Variants in QRICH1 observed in about 807,000 individuals in gnomAD.
The protein encoded by QRICH1 is glutamine rich 1.
Under a neutral mutation model 87.1 loss-of-function variants are expected in QRICH1, and 16 were observed. The ratio of observed to expected loss-of-function variants is 0.18; its 90% CI spans 0.12 to 0.28. QRICH1 has a LOEUF of 0.28. Among genes scored for constraint, QRICH1 ranks in the 10% least tolerant of loss-of-function variants. The probability of loss-of-function intolerance (pLI) is 1.00; values close to 1 mark genes in which losing one functional copy is unlikely to be tolerated. For missense variants in QRICH1, 647 were observed against 951.7 expected, an observed-to-expected ratio of 0.68 and a Z score of 4.21; for synonymous variants, 367 against 368.4, an observed-to-expected ratio of 1.00 and a Z score of 0.05.
chr3:49,057,588 A>G lies in QRICH1; in HGVS notation c.612T>C (p.Ser204=), dbSNP rs1199634027. 1.2e-6 allele frequency: 2 copies of G among 1,613,794 alleles called. No individual in the cohort carries two copies. The highest frequency in any genetic ancestry group is 1.7e-6 in the Non-Finnish European group (2 of 1,179,778). The part of the protein sequence containing the change: ...QIQAQLVAGQ[S]LAGGQQIQIQ... ...TTTGGATCTGCTGACCACCAGCAAG[A>G]GACTGGCCAGCCACCAGCTGAGCCT... is the stretch of plus-strand genomic sequence containing the variant. Residue 204 remains serine (S), a synonymous_variant, in exon 3 of 10, where the codon TCT becomes TCC. Coordinates refer to ENST00000395443, the MANE Select transcript of QRICH1 (RefSeq NM_198880.3). This position sits in a 1 kb window ranked among gnomAD's most constrained non-coding sequence, Gnocchi z 5.4.
At chr3:49,064,899 C>G (rs2093458432) in intron 2 of QRICH1, among the ~76,000 whole-genome samples, 4 of 151,870 alleles carry the variant, frequency 2.6e-5, no homozygotes, top group Admixed American at 2.0e-4. Context: ...TGCCTGTAAT[C>G]CCAGCTAATC....
At chr3:49,060,195 T>C (rs1208105900) in intron 2 of QRICH1, among the ~76,000 whole-genome samples, 1 of 149,326 alleles carries the variant, frequency 6.7e-6, no homozygotes, top group Non-Finnish European at 1.5e-5. Flanking sequence ...AATTTATATA[T>C]ACATATATAT....
chr3:49,051,075 A>C (rs1269165428), intron 3 of QRICH1, among the ~76,000 whole-genome samples: 1 of 152,116 alleles, frequency 6.6e-6, no homozygotes, highest in Non-Finnish European at 1.5e-5. Context: ...CTGAGGACTC[A>C]TTCTCTGATT....
chr3:49,091,182 C>T (rs2042268937), intron 1 of QRICH1, among the ~76,000 whole-genome samples: 1 of 152,066 alleles, frequency 6.6e-6, no homozygotes, highest in Admixed American at 6.5e-5. Flanking sequence ...AAGATTGCAC[C>T]ACAGCACTCC....
At chr3:49,085,650 C>G (rs899650573) in intron 1 of QRICH1, among the ~76,000 whole-genome samples, 1 of 151,300 alleles carries the variant, frequency 6.6e-6, no homozygotes. Context: ...CCCAGCTACT[C>G]GGAAGGCTGA....
At chr3:49,063,951 G>A (rs1425269961) in intron 2 of QRICH1, among the ~76,000 whole-genome samples, 1 of 152,004 alleles carries the variant, frequency 6.6e-6, no homozygotes, top group African/African-American at 2.4e-5. Flanking sequence ...CTGTTGCCCT[G>A]GCTGGAGTGC....
intron 6 of QRICH1, among the ~76,000 whole-genome samples, chr3:49,042,343 C>A (rs1428258572): frequency 6.6e-6 from 1 of 152,132 alleles, no homozygotes; most frequent in Non-Finnish European, 1.5e-5. Flanking sequence ...TTGTGATCCA[C>A]ATGCCTCGGC....
intron 2 of QRICH1, among the ~76,000 whole-genome samples, chr3:49,068,231 C>A (rs988751371): frequency 3.3e-5 from 5 of 151,702 alleles, no homozygotes; most frequent in Non-Finnish European, 5.9e-5. Context: ...GTGGTGCATG[C>A]CTGTAGTCCC....
chr3:49,062,700 G>C (rs547906331), intron 2 of QRICH1, among the ~76,000 whole-genome samples: 7 of 149,716 alleles, frequency 4.7e-5, no homozygotes, highest in Non-Finnish European at 5.9e-5. Context: ...CAATAAAGCT[G>C]TTACTAAGTA....
intron 2 of QRICH1, among the ~76,000 whole-genome samples, chr3:49,059,858 C>T (rs997806507): frequency 9.2e-5 from 14 of 151,860 alleles, no homozygotes; most frequent in Non-Finnish European, 1.9e-4. Context: ...GCTGGGATTA[C>T]ATGTGCCTGC....
At chr3:49,034,441 CAA>C (rs761722925) in intron 6 of QRICH1, among the ~76,000 whole-genome samples, 40 of 109,356 alleles carry the variant, frequency 3.7e-4, no homozygotes, top group South Asian at 5.8e-4. Flanking sequence ...GATCCTGTCT[CAA>C]AAAAAAAAAA....
Position 49,047,360 on chromosome 3 carries a change from C to A in QRICH1, c.1339-114G>T, listed in dbSNP as rs367669805. ...ATTTATTTAAGAAAATATTTCTCTACTCATTGCTGTCCTACTTTTAAGAAG... is the reference window on the plus strand; with the variant it reads ...ATTTATTTAAGAAAATATTTCTCTAATCATTGCTGTCCTACTTTTAAGAAG... On this transcript the variant is annotated intron_variant, in intron 3 of 9. Transcript: ENST00000395443. 18 of 1,023,804 alleles carry A rather than the reference C, an allele frequency of 1.8e-5. No individual in the cohort carries two copies. The African/African-American group carries it at 2.8e-4, about 16-fold the overall frequency. 63.4% of individuals were successfully genotyped at this position (1,023,804 alleles called of 1,614,324 possible).
intron 1 of QRICH1, chr3:49,083,512 C>T (rs1247186453): frequency 2.0e-5 from 3 of 151,968 alleles, no homozygotes; most frequent in Non-Finnish European, 4.4e-5. Context: ...AACCTGGGCA[C>T]CACAGTGAGA....
At chr3:49,040,257 A>G (rs2093302337) in intron 6 of QRICH1, among the ~76,000 whole-genome samples, 1 of 152,228 alleles carries the variant, frequency 6.6e-6, no homozygotes, top group Non-Finnish European at 1.5e-5. Context: ...TGTTCCAACA[A>G]TAGCCCTCCC....
chr3:49,073,197 T>G (rs981409330), intron 2 of QRICH1, among the ~76,000 whole-genome samples: 1 of 152,044 alleles, frequency 6.6e-6, no homozygotes, highest in Non-Finnish European at 1.5e-5. Flanking sequence ...TAATAGACAA[T>G]GGCAAGAAAA....
Position 49,057,259 on chromosome 3 carries a change from T to C in QRICH1, c.941A>G (p.Tyr314Cys). The change falls in exon 3 of 10, where the codon TAT becomes TGT. Residue 314 changes from tyrosine (Y) to cysteine (C), a missense_variant. Tyr to Cys is a radical substitution (Grantham distance 194). This residue lies in a region of QRICH1 where 75 missense variants were observed against 141.0 expected (regional missense o/e 0.53). Transcript: ENST00000395443. This position sits in a 1 kb window ranked among gnomAD's most constrained non-coding sequence, Gnocchi z 5.4. ...PTGETWTIPV[Y>C]SAQPRGDPQQ... ...AGGGTCCCCCCGGGGCTGGGCAGAA[T>C]AAACAGGGATGGTCCAGGTTTCTCC... The C allele has an allele frequency of 6.2e-7, 1 of 1,614,182 alleles. No homozygotes were observed. Among genetic ancestry groups the C allele is most frequent in the Non-Finnish European group, 8.5e-7 (1 of 1,180,034 alleles).
rs182856732 is a variant in QRICH1, at chr3:49,037,282, A to G, written c.1787-4054T>C. ...AATCCGGAATCAATCTGTATATTCA[A>G]TTACCAATCAATTGTAGATACATGG... On this transcript the variant is annotated intron_variant, in intron 6 of 9. Coordinates refer to ENST00000395443, the MANE Select transcript of QRICH1 (RefSeq NM_198880.3). Among the ~76,000 whole-genome samples the G allele has an allele frequency of 2.2e-4, 33 of 152,350 alleles. 1 individual carries two copies. The East Asian group carries it at 5.2e-3, about 24-fold the overall frequency.
intron 1 of QRICH1, among the ~76,000 whole-genome samples, chr3:49,089,481 A>G (rs1426750522): frequency 6.6e-6 from 1 of 152,158 alleles, no homozygotes; most frequent in East Asian, 1.9e-4. Flanking sequence ...CACGAACCTG[A>G]GCAATTTTAC....
intron 1 of QRICH1, among the ~76,000 whole-genome samples, chr3:49,091,241 T>G (rs567324025): frequency 1.6e-4 from 25 of 151,768 alleles, no homozygotes; most frequent in South Asian, 6.2e-4. Flanking sequence ...ATAATAAAAA[T>G]AAAAAGAAAA....
Sources: allele counts gnomAD v4.1 joint callset (sites outside exome capture counted in the v4.1 genomes callset), GRCh38; gene constraint gnomAD v4.1.1; regional missense constraint gnomAD v4.1.1; non-coding constraint Gnocchi (gnomAD v3.1); transcripts MANE v1.5; gene names NCBI Gene and HGNC (gene_info 2026-07-23, HGNC 2026-07-21).